AGBL1: variants seen among roughly 807,000 people sequenced by gnomAD.
The protein encoded by AGBL1 is cytosolic carboxypeptidase 4.
AGBL1 carries 130 observed loss-of-function variants against 118.9 expected under a neutral mutation model. That is an observed-to-expected ratio of 1.09 (90% CI 0.95 to 1.26). The LOEUF (loss-of-function observed/expected upper bound fraction) is 1.26, where lower values mean the gene tolerates loss of function less well. AGBL1 is among the 50% of genes most tolerant of loss of function. The probability of loss-of-function intolerance (pLI) is 0.00; values close to 1 mark genes in which losing one functional copy is unlikely to be tolerated. For synonymous variants in AGBL1, 555 were observed against 478.9 expected (o/e 1.16, Z -2.08); for missense variants, 1,584 against 1,298.1 (o/e 1.22, Z -3.38).
intron 22 of AGBL1, among the ~76,000 whole-genome samples, chr15:86,876,203 C>T (rs2141518456): frequency 6.6e-6 from 1 of 152,252 alleles, no homozygotes; most frequent in Non-Finnish European, 1.5e-5. Context: ...CCCAGGAGGC[C>T]CTTCTAAGCA....
chr15:86,646,623 A>G (rs898085075), intron 21 of AGBL1, among the ~76,000 whole-genome samples: 1 of 152,212 alleles, frequency 6.6e-6, no homozygotes, highest in Admixed American at 6.5e-5. Flanking sequence ...GAACAATAGT[A>G]TACTCTGCCC....
chr15:86,253,458 C>A (rs1176132882), intron 7 of AGBL1, among the ~76,000 whole-genome samples: 1 of 152,046 alleles, frequency 6.6e-6, no homozygotes, highest in African/African-American at 2.4e-5. Flanking sequence ...ACCTTGTTGG[C>A]CAGGCTGGTC....
intron 21 of AGBL1, among the ~76,000 whole-genome samples, chr15:86,661,052 C>A (rs2085529588): frequency 6.6e-6 from 1 of 152,180 alleles, no homozygotes; most frequent in African/African-American, 2.4e-5. Flanking sequence ...CTGCTTAGCT[C>A]TTTCACCTTT....
At chr15:86,893,183 A>C (rs1454897767) in intron 22 of AGBL1, among the ~76,000 whole-genome samples, 1 of 152,104 alleles carries the variant, frequency 6.6e-6, no homozygotes, top group Non-Finnish European at 1.5e-5. Context: ...CTTTTTCAGG[A>C]GGGAGATGGG....
intron 5 of AGBL1, among the ~76,000 whole-genome samples, chr15:86,194,290 G>A (rs1314368711): frequency 6.6e-6 from 1 of 152,068 alleles, no homozygotes; most frequent in Non-Finnish European, 1.5e-5. Context: ...AGTGTTTTGC[G>A]TGATCCTACT....
intron 1 of AGBL1, among the ~76,000 whole-genome samples, chr15:86,087,322 AT>A (rs1895724435): frequency 2.0e-5 from 3 of 147,132 alleles, no homozygotes; most frequent in African/African-American, 7.4e-5. Flanking sequence ...GCATTGTCTC[AT>A]TTAATGGGCT....
chr15:86,136,301 C>T (rs2076888172), intron 1 of AGBL1, among the ~76,000 whole-genome samples: 3 of 152,198 alleles, frequency 2.0e-5, no homozygotes, highest in Admixed American at 2.0e-4. Context: ...TAACCAGCAT[C>T]AAGTAAGAAC....
intron 22 of AGBL1, among the ~76,000 whole-genome samples, chr15:86,831,776 G>A (rs1298934986): frequency 6.6e-6 from 1 of 152,150 alleles, no homozygotes; most frequent in Non-Finnish European, 1.5e-5. Flanking sequence ...GAGGGTGGTG[G>A]CCTGCTTCTC....
chr15:86,830,886 T>C (rs1367799976), intron 22 of AGBL1, among the ~76,000 whole-genome samples: 1 of 152,162 alleles, frequency 6.6e-6, no homozygotes, highest in African/African-American at 2.4e-5. Flanking sequence ...AAGACACACA[T>C]TGTATTAGTC....
At chr15:86,726,426 C>T (rs1472572544) in intron 22 of AGBL1, among the ~76,000 whole-genome samples, 1 of 152,188 alleles carries the variant, frequency 6.6e-6, no homozygotes, top group African/African-American at 2.4e-5. Flanking sequence ...TGTGAACTCA[C>T]TCTGTGAGGA....
At chr15:86,826,444 A>T (rs1299841526) in intron 22 of AGBL1, among the ~76,000 whole-genome samples, 1 of 152,126 alleles carries the variant, frequency 6.6e-6, no homozygotes, top group East Asian at 1.9e-4. Context: ...TTACCATCTG[A>T]TAATATTTTC....
At chr15:86,327,073 A>T (rs1203157106) in intron 17 of AGBL1, among the ~76,000 whole-genome samples, 1 of 152,180 alleles carries the variant, frequency 6.6e-6, no homozygotes, top group African/African-American at 2.4e-5. Flanking sequence ...GATAGAGCAA[A>T]GAGGGACAGA....
intron 21 of AGBL1, among the ~76,000 whole-genome samples, chr15:86,644,004 T>A (rs1322634987): frequency 6.6e-6 from 1 of 152,216 alleles, no homozygotes; most frequent in Non-Finnish European, 1.5e-5. Flanking sequence ...TGCAGTTTTG[T>A]GTCTCAGTAA....
At chr15:86,981,870 G>A (rs1278582598) in intron 23 of AGBL1, among the ~76,000 whole-genome samples, 1 of 152,176 alleles carries the variant, frequency 6.6e-6, no homozygotes, top group East Asian at 1.9e-4. Context: ...AAGAGGCACA[G>A]AGAGTAAGTG....
intron 1 of AGBL1, among the ~76,000 whole-genome samples, chr15:86,084,552 C>A (rs1895506278): frequency 6.6e-6 from 1 of 152,160 alleles, no homozygotes; most frequent in African/African-American, 2.4e-5. Context: ...TCCCCTAAAG[C>A]CTTTTCACTG....
intron 15 of AGBL1, among the ~76,000 whole-genome samples, chr15:86,273,545 T>C (rs2079195734): frequency 1.3e-5 from 2 of 152,244 alleles, no homozygotes; most frequent in South Asian, 4.1e-4. Flanking sequence ...CCTCTCTCAA[T>C]TGTAAAATGA....
At chr15:86,849,504 T>G (rs897313255) in intron 22 of AGBL1, among the ~76,000 whole-genome samples, 41 of 118,040 alleles carry the variant, frequency 3.5e-4, no homozygotes, top group South Asian at 6.6e-4. Flanking sequence ...GTGATGGCTT[T>G]CTTTCTTTCT....
chr15:87,017,295 T>C (rs2081616586), intron 24 of AGBL1, among the ~76,000 whole-genome samples: 1 of 152,126 alleles, frequency 6.6e-6, no homozygotes, highest in Non-Finnish European at 1.5e-5. Context: ...AGACTGCTTC[T>C]TGGAGCAGGT....
chr15:86,675,096 G>A (rs1458933283), intron 22 of AGBL1, among the ~76,000 whole-genome samples: 1 of 152,158 alleles, frequency 6.6e-6, no homozygotes, highest in Non-Finnish European at 1.5e-5. Context: ...GGCAAGAGGG[G>A]AAGAAATAAT....
Sources: allele counts gnomAD v4.1 joint callset (sites outside exome capture counted in the v4.1 genomes callset), GRCh38; gene constraint gnomAD v4.1.1; transcripts MANE v1.5; gene names NCBI Gene and HGNC (gene_info 2026-07-23, HGNC 2026-07-21).